Variants in OPCML observed in about 807,000 individuals in gnomAD.
The protein encoded by OPCML is opioid binding protein/cell adhesion molecule like, also known as opioid-binding protein/cell adhesion molecule.
OPCML carries 13 observed loss-of-function variants against 37.8 expected under a neutral mutation model. The ratio of observed to expected loss-of-function variants is 0.34; its 90% CI spans 0.22 to 0.55. The LOEUF is 0.55. OPCML is among the 20% of genes least tolerant of loss of function. The pLI is 0.91. For missense variants in OPCML, 341 were observed against 435.6 expected, an observed-to-expected ratio of 0.78 and a Z score of 1.93; for synonymous variants, 176 against 168.8, an observed-to-expected ratio of 1.04 and a Z score of -0.33.
intron 1 of OPCML, among the ~76,000 whole-genome samples, chr11:133,168,182 A>G (rs947230505): frequency 1.3e-5 from 2 of 152,182 alleles, no homozygotes; most frequent in Non-Finnish European, 2.9e-5. Context: ...CATCCTTAAC[A>G]CTGGACCAGT....
At chr11:132,962,855 A>G (rs1946123070) in intron 1 of OPCML, among the ~76,000 whole-genome samples, 1 of 152,152 alleles carries the variant, frequency 6.6e-6, no homozygotes. Flanking sequence ...TCTCCAACTT[A>G]GCTTTTTGCT....
intron 1 of OPCML, chr11:133,117,778 G>A (rs1373971555): frequency 1.0e-6 from 1 of 980,816 alleles, no homozygotes; most frequent in Admixed American, 6.2e-5. Context: ...TACTAAGCAA[G>A]AGAAAGTGCT....
intron 4 of OPCML, among the ~76,000 whole-genome samples, chr11:132,481,289 C>A (rs1171914481): frequency 6.6e-6 from 1 of 152,016 alleles, no homozygotes; most frequent in Non-Finnish European, 1.5e-5. Context: ...ATAAAACAGA[C>A]TTTAAACCAA....
chr11:133,513,832 T>C (rs61172426), intron 1 of OPCML, among the ~76,000 whole-genome samples: 26,147 of 152,166 alleles, frequency 0.17, 5,544 homozygotes, highest in African/African-American at 0.51. Context: ...TTATAATGGT[T>C]CATGAAAAGA....
intron 4 of OPCML, among the ~76,000 whole-genome samples, chr11:132,521,907 T>G (rs777423696): frequency 2.0e-5 from 3 of 152,190 alleles, no homozygotes; most frequent in Non-Finnish European, 4.4e-5. Context: ...GTCACACATA[T>G]AGAGTCATAT....
intron 4 of OPCML, among the ~76,000 whole-genome samples, chr11:132,495,359 A>G (rs2096228054): frequency 1.3e-5 from 2 of 152,210 alleles, no homozygotes; most frequent in Non-Finnish European, 2.9e-5. Flanking sequence ...GATAAAGGGG[A>G]GGAGGTTGAA....
chr11:132,469,585 ATGTATG>A (rs1565588648), intron 4 of OPCML, among the ~76,000 whole-genome samples: 1 of 96,264 alleles, frequency 1.0e-5, no homozygotes, highest in Non-Finnish European at 1.9e-5. Flanking sequence ...ATGTGTATGG[ATGTATG>A]TGTATGTGTA....
At chr11:132,646,733 C>T (rs534676823) in intron 3 of OPCML, among the ~76,000 whole-genome samples, 34 of 151,908 alleles carry the variant, frequency 2.2e-4, no homozygotes, top group African/African-American at 5.6e-4. Context: ...AATAGAAATG[C>T]GAATTACGAG....
intron 2 of OPCML, among the ~76,000 whole-genome samples, chr11:132,767,755 G>A (rs1336627824): frequency 1.3e-5 from 2 of 151,766 alleles, no homozygotes; most frequent in Non-Finnish European, 2.9e-5. Context: ...AAAGAGAATT[G>A]TCATTTCTAT....
chr11:132,856,981 C>T (rs1942081122), intron 2 of OPCML, among the ~76,000 whole-genome samples: 1 of 152,226 alleles, frequency 6.6e-6, no homozygotes, highest in East Asian at 1.9e-4. Context: ...GCCTCAATCT[C>T]TCACTCTGCC....
chr11:133,165,477 C>T (rs1182463225), intron 1 of OPCML, among the ~76,000 whole-genome samples: 2 of 152,170 alleles, frequency 1.3e-5, no homozygotes, highest in Admixed American at 6.5e-5. Flanking sequence ...CAACCCAGCT[C>T]CTCTGGGTTT....
chr11:133,130,585 C>G (rs1949588576), intron 1 of OPCML, among the ~76,000 whole-genome samples: 1 of 152,092 alleles, frequency 6.6e-6, no homozygotes, highest in Non-Finnish European at 1.5e-5. Flanking sequence ...ACTATGATGA[C>G]TTAAGACTCT....
intron 2 of OPCML, among the ~76,000 whole-genome samples, chr11:132,911,064 C>T (rs61906922): frequency 0.24 from 36,043 of 152,124 alleles, 7,279 homozygotes; most frequent in African/African-American, 0.54. Flanking sequence ...TGGATATTAA[C>T]GCTGCAACAG....
intron 1 of OPCML, among the ~76,000 whole-genome samples, chr11:133,140,704 A>C (rs1025440745): frequency 8.4e-5 from 3 of 35,682 alleles, no homozygotes; most frequent in African/African-American, 1.9e-4. Context: ...CGGAAGAAGA[A>C]GACGGAAGAC....
At chr11:132,476,391 G>A (rs980274874) in intron 4 of OPCML, among the ~76,000 whole-genome samples, 14 of 152,070 alleles carry the variant, frequency 9.2e-5, no homozygotes, top group South Asian at 2.1e-4. Context: ...ACATGCACAC[G>A]TATGTTTATT....
At chr11:132,558,969 C>T (rs1490519218) in intron 3 of OPCML, among the ~76,000 whole-genome samples, 2 of 152,070 alleles carry the variant, frequency 1.3e-5, no homozygotes, top group Non-Finnish European at 2.9e-5. Context: ...CCAGCAAGCG[C>T]TCAATTAATA....
At chr11:132,471,951 A>G (rs1245203431) in intron 4 of OPCML, among the ~76,000 whole-genome samples, 1 of 152,096 alleles carries the variant, frequency 6.6e-6, no homozygotes, top group African/African-American at 2.4e-5. Flanking sequence ...CTTGTCTGAA[A>G]CACAGACACG....
At chr11:132,902,749 T>G (rs1415000382) in intron 2 of OPCML, among the ~76,000 whole-genome samples, 1 of 152,110 alleles carries the variant, frequency 6.6e-6, no homozygotes, top group East Asian at 1.9e-4. Context: ...TTAAGGAAAC[T>G]TCTTTCCACA....
chr11:132,979,360 TCTC>T (rs1423724540), intron 1 of OPCML, among the ~76,000 whole-genome samples: 1 of 152,142 alleles, frequency 6.6e-6, no homozygotes, highest in Non-Finnish European at 1.5e-5. Flanking sequence ...CTGTCTGACC[TCTC>T]CTCCTCTCCC....
Sources: allele counts gnomAD v4.1 joint callset (sites outside exome capture counted in the v4.1 genomes callset), GRCh38; gene constraint gnomAD v4.1.1; transcripts MANE v1.5; gene names NCBI Gene and HGNC (gene_info 2026-07-23, HGNC 2026-07-21).